RYR2: variants seen among roughly 807,000 people sequenced by gnomAD.
The protein encoded by RYR2 is ryanodine receptor 2.
RYR2 carries 227 observed loss-of-function variants against 601.1 expected under a neutral mutation model. The observed-to-expected ratio is 0.38, with a 90% confidence interval of 0.34 to 0.42. The LOEUF is 0.42. Ranked by LOEUF, RYR2 falls within the 10% of genes least tolerant of loss-of-function variation. The pLI is 1.00. For missense variants in RYR2, 4,646 were observed against 6,156.5 expected (o/e 0.75, Z 8.21); for synonymous variants, 2,223 against 2,175.1 (o/e 1.02, Z -0.61).
Position 237,655,726 on chromosome 1 carries a change from A to C in RYR2, c.7966-95A>C, listed in dbSNP as rs935249982. The C allele has an allele frequency of 1.2e-5, 14 of 1,183,076 alleles. No individual in the cohort carries two copies. The East Asian group carries it at 3.7e-4, about 31-fold the overall frequency. The allele number at this position is 1,183,076 out of a possible 1,614,324, so 73.3% of individuals were successfully genotyped here. A position where few individuals can be genotyped will look rare whatever the true frequency, so the allele number is the denominator to read the frequency against. On this transcript the variant is annotated intron_variant, in intron 52 of 104. Coordinates refer to ENST00000366574, the MANE Select transcript of RYR2 (RefSeq NM_001035.3). ...GAGTTCAGTTAGTCCAGGGTAATTC[A>C]GATTTTCTTCTGCAACCTTCTGTCA... is the stretch of plus-strand genomic sequence containing the variant.
chr1:237,638,601 C>T (rs2148725242), intron 45 of RYR2, 109 bp downstream of exon 45: 3 of 1,203,740 alleles, frequency 2.5e-6, no homozygotes, highest in Admixed American at 2.4e-5. Context: ...AAAGAAATCA[C>T]ATATTTTATA....
chr1:237,097,539 G>A (rs1004489976), intron 1 of RYR2, among the ~76,000 whole-genome samples: 29 of 152,294 alleles, frequency 1.9e-4, no homozygotes, highest in Middle Eastern at 3.4e-3. Flanking sequence ...AGATTTAAAC[G>A]TAATACCTAT....
intron 1 of RYR2, among the ~76,000 whole-genome samples, chr1:237,135,938 C>T (rs1168380016): frequency 6.6e-6 from 1 of 152,182 alleles, no homozygotes; most frequent in Non-Finnish European, 1.5e-5. Flanking sequence ...CATGGGGCCC[C>T]TGGGGAGTGC....
chr1:237,340,852 G>A (rs1412528483), intron 3 of RYR2, among the ~76,000 whole-genome samples: 1 of 152,170 alleles, frequency 6.6e-6, no homozygotes, highest in African/African-American at 2.4e-5. Flanking sequence ...CTCTTGAAGG[G>A]TTCATAGCTA....
At chr1:237,546,051 T>C (rs1669766436) in intron 25 of RYR2, among the ~76,000 whole-genome samples, 1 of 151,660 alleles carries the variant, frequency 6.6e-6, no homozygotes, top group Non-Finnish European at 1.5e-5. Flanking sequence ...ACTTATATCT[T>C]CAGCTGTGAT....
chr1:237,160,218 A>G (rs1675851517), intron 1 of RYR2, among the ~76,000 whole-genome samples: 1 of 152,162 alleles, frequency 6.6e-6, no homozygotes, highest in Admixed American at 6.5e-5. Flanking sequence ...TATATGTATT[A>G]TTTGTATTTC....
chr1:237,291,723 C>T (rs7538075), intron 2 of RYR2, among the ~76,000 whole-genome samples: 1 of 151,958 alleles, frequency 6.6e-6, no homozygotes, highest in Non-Finnish European at 1.5e-5. Flanking sequence ...AGTCAAATCT[C>T]TGGAGACAGT....
chr1:237,746,173 T>G (rs1692057200), intron 80 of RYR2, among the ~76,000 whole-genome samples: 1 of 152,194 alleles, frequency 6.6e-6, no homozygotes, highest in Non-Finnish European at 1.5e-5. Flanking sequence ...GAGATGTCTA[T>G]CTGACATAAT....
At chr1:237,713,099 G>C (rs1240881618) in intron 71 of RYR2, among the ~76,000 whole-genome samples, 1 of 152,178 alleles carries the variant, frequency 6.6e-6, no homozygotes, top group Non-Finnish European at 1.5e-5. Context: ...TGAATGCCCT[G>C]TGTTTGACCC....
chr1:237,646,893 T>G (rs1445776199), intron 48 of RYR2, among the ~76,000 whole-genome samples: 1 of 152,118 alleles, frequency 6.6e-6, no homozygotes, highest in African/African-American at 2.4e-5. Flanking sequence ...ATGGTGCAAA[T>G]AAAACAGCAA....
intron 1 of RYR2, among the ~76,000 whole-genome samples, chr1:237,215,133 C>G (rs1163981369): frequency 6.6e-6 from 1 of 152,178 alleles, no homozygotes; most frequent in Non-Finnish European, 1.5e-5. Flanking sequence ...AGAATTGAGC[C>G]AGGAATCCCA....
At chr1:237,153,730 A>G (rs1674994070) in intron 1 of RYR2, among the ~76,000 whole-genome samples, 1 of 152,164 alleles carries the variant, frequency 6.6e-6, no homozygotes, top group African/African-American at 2.4e-5. Flanking sequence ...GAAAATGAGC[A>G]ACATAAATTT....
intron 98 of RYR2, among the ~76,000 whole-genome samples, chr1:237,805,281 T>C (rs181975092): frequency 6.6e-6 from 1 of 152,064 alleles, no homozygotes; most frequent in Admixed American, 6.5e-5. Flanking sequence ...CTAACTAGAA[T>C]TGTAAAAATG....
chr1:237,195,106 A>G (rs1165446291), intron 1 of RYR2, among the ~76,000 whole-genome samples: 2 of 152,178 alleles, frequency 1.3e-5, no homozygotes, highest in East Asian at 3.8e-4. Context: ...ATTTTCTTAT[A>G]ATTTTCCTAA....
At chr1:237,769,191 C>G (rs1260575726) in intron 84 of RYR2, among the ~76,000 whole-genome samples, 1 of 151,752 alleles carries the variant, frequency 6.6e-6, no homozygotes, top group African/African-American at 2.4e-5. Flanking sequence ...AATCAATAAG[C>G]CTATGTAATG....
intron 1 of RYR2, among the ~76,000 whole-genome samples, chr1:237,195,686 A>G (rs1308456192): frequency 6.6e-6 from 1 of 152,218 alleles, no homozygotes; most frequent in Non-Finnish European, 1.5e-5. Flanking sequence ...TTGGCATCAA[A>G]TTGGCATAGG....
At chr1:237,296,201 G>A (rs1418140494) in intron 2 of RYR2, among the ~76,000 whole-genome samples, 2 of 152,110 alleles carry the variant, frequency 1.3e-5, no homozygotes, top group Non-Finnish European at 1.5e-5. Context: ...AGGTGAAGGG[G>A]GTAAGTGGTA....
intron 47 of RYR2, among the ~76,000 whole-genome samples, chr1:237,641,463 GTCTGTCTGTCTT>G (rs1438825535): frequency 5.6e-4 from 31 of 55,262 alleles, no homozygotes; most frequent in South Asian, 1.1e-3. Flanking sequence ...ATAAATTAGT[GTCTGTCTGTCTT>G]TCTTTCTTTC....
chr1:237,767,751 C>A (rs1023756897), intron 84 of RYR2, among the ~76,000 whole-genome samples: 3 of 152,056 alleles, frequency 2.0e-5, no homozygotes, highest in African/African-American at 7.2e-5. Flanking sequence ...TTAAAACTTC[C>A]CACATGGAAT....
Sources: allele counts gnomAD v4.1 joint callset (sites outside exome capture counted in the v4.1 genomes callset), GRCh38; gene constraint gnomAD v4.1.1; transcripts MANE v1.5; gene names NCBI Gene and HGNC (gene_info 2026-07-23, HGNC 2026-07-21).